NEO1: variants seen among roughly 807,000 people sequenced by gnomAD.
The protein encoded by NEO1 is neogenin 1, also known as neogenin.
A neutral mutation model predicts 159.7 loss-of-function variants in NEO1; 63 were observed. The ratio of observed to expected loss-of-function variants is 0.39; its 90% CI spans 0.32 to 0.49. The LOEUF is 0.49. Among genes scored for constraint, NEO1 ranks in the 20% least tolerant of loss-of-function variants. The pLI, the probability that NEO1 is intolerant of heterozygous loss-of-function variation, is 0.85. For synonymous variants in NEO1, 633 were observed against 662.0 expected (o/e 0.96, Z 0.67); for missense variants, 1,615 against 1,831.0 (o/e 0.88, Z 2.15).
chr15:73,095,300 A>C (rs971290630), intron 1 of NEO1, among the ~76,000 whole-genome samples: 1 of 152,130 alleles, frequency 6.6e-6, no homozygotes, highest in African/African-American at 2.4e-5. Flanking sequence ...TTACATTTTG[A>C]AAGTGTTTTT....
intron 7 of NEO1, among the ~76,000 whole-genome samples, chr15:73,207,483 T>C (rs2037305729): frequency 6.6e-6 from 1 of 152,226 alleles, no homozygotes; most frequent in African/African-American, 2.4e-5. Context: ...ATCCTGTGTA[T>C]CATTCAAGGC....
intron 22 of NEO1, among the ~76,000 whole-genome samples, chr15:73,280,192 A>T (rs541959120): frequency 6.6e-6 from 1 of 152,092 alleles, no homozygotes; most frequent in Non-Finnish European, 1.5e-5. Flanking sequence ...AGGCTGAAGC[A>T]GAAGAATCAC....
chr15:73,061,895 A>C (rs2067997808), intron 1 of NEO1, among the ~76,000 whole-genome samples: 1 of 152,164 alleles, frequency 6.6e-6, no homozygotes, highest in Non-Finnish European at 1.5e-5. Context: ...AGCCATATGA[A>C]ATTGTATTTT....
At chr15:73,174,527 G>A (rs1289113303) in intron 5 of NEO1, among the ~76,000 whole-genome samples, 1 of 152,050 alleles carries the variant, frequency 6.6e-6, no homozygotes, top group African/African-American at 2.4e-5. Flanking sequence ...CTTACAGGAG[G>A]GTGATCATTA....
chr15:73,129,722 C>T (rs1213639259), intron 4 of NEO1, among the ~76,000 whole-genome samples: 1 of 152,158 alleles, frequency 6.6e-6, no homozygotes, highest in Non-Finnish European at 1.5e-5. Flanking sequence ...AATGATAGAT[C>T]TGAACCCCAC....
Position 73,122,613 on chromosome 15 carries a change from G to A in NEO1, c.537G>A (p.Leu179=). ...TGAATTGTGAAGTTAATGCAGATTT[G>A]GTCCCATTTGTGAGGTGGGAACAGA... is the stretch of plus-strand genomic sequence containing the variant. The part of the protein sequence containing the change: ...AILNCEVNAD[L]VPFVRWEQNR... The change falls in exon 3 of 29, where the codon TTG becomes TTA. Residue 179 remains leucine, a synonymous_variant. Transcript: ENST00000261908. The A allele has an allele frequency of 6.2e-7, 1 of 1,614,098 alleles. No homozygotes were observed. Among genetic ancestry groups the A allele is most frequent in the Middle Eastern group, 1.7e-4 (1 of 6,060 alleles).
chr15:73,095,021 C>T (rs2151469222), intron 1 of NEO1, among the ~76,000 whole-genome samples: 1 of 152,142 alleles, frequency 6.6e-6, no homozygotes, highest in East Asian at 1.9e-4. Context: ...CCATCCTGGC[C>T]AACATGGTGA....
intron 5 of NEO1, among the ~76,000 whole-genome samples, chr15:73,174,235 T>C (rs925360812): frequency 1.3e-5 from 2 of 152,152 alleles, no homozygotes; most frequent in African/African-American, 4.8e-5. Flanking sequence ...AATCCAAAAA[T>C]CAGGAAGACT....
chr15:73,079,564 GTC>G (rs145054169), intron 1 of NEO1, among the ~76,000 whole-genome samples: 118 of 152,124 alleles, frequency 7.8e-4, no homozygotes, highest in African/African-American at 2.8e-3. Flanking sequence ...TTAAATAAAT[GTC>G]TCTCTTTATT....
intron 1 of NEO1, among the ~76,000 whole-genome samples, chr15:73,053,028 G>A (rs1444029418): frequency 6.6e-6 from 1 of 151,932 alleles, no homozygotes; most frequent in South Asian, 2.1e-4. Flanking sequence ...GGTCGGGGGC[G>A]CAGGGGTCTA....
At chr15:73,253,606 C>T (rs1005031443) in intron 12 of NEO1, among the ~76,000 whole-genome samples, 157 bp downstream of exon 12, 5 of 151,734 alleles carry the variant, frequency 3.3e-5, no homozygotes, top group African/African-American at 9.7e-5. Flanking sequence ...TAAATTAGAA[C>T]GTAAGTGAAA....
At position 73,137,257 on chromosome 15, in the gene NEO1, A is replaced by G. The variant is rs181615020; in HGVS notation, c.1015+1230A>G. 7.2e-5 allele frequency among the ~76,000 whole-genome samples: 11 copies of G among 152,306 alleles called. No individual in the cohort carries two copies. The East Asian group carries it at 2.1e-3, about 29-fold the overall frequency. On this transcript the variant is annotated intron_variant, in intron 5 of 28. Transcript: ENST00000261908. ...CATAGATAATTACTGGAAAAGACTG[A>G]CCAAGAATTAAAAATAACCATAAAT...
Position 73,052,559 on chromosome 15 carries a change from A to G in NEO1, c.-117A>G. 5 of 515,836 alleles carry G rather than the reference A, an allele frequency of 9.7e-6. No homozygotes were observed. Among genetic ancestry groups the G allele is most frequent in the Non-Finnish European group, 1.4e-5 (5 of 366,792 alleles). The allele number at this position is 515,836 out of a possible 1,614,324, so 32.0% of individuals were successfully genotyped here. On this transcript the variant is annotated 5_prime_UTR_variant, in exon 1 of 29. Transcript: ENST00000261908. Reference sequence around the variant, plus strand: ...GGGCCGGGCCGGGCTGGGCTGGAGCAGCGGCGGCCGCGGGAGCCGAGCTTG... The same window carrying G: ...GGGCCGGGCCGGGCTGGGCTGGAGCGGCGGCGGCCGCGGGAGCCGAGCTTG...
At chr15:73,082,409 C>T (rs1223756375) in intron 1 of NEO1, among the ~76,000 whole-genome samples, 2 of 152,132 alleles carry the variant, frequency 1.3e-5, no homozygotes, top group Admixed American at 1.3e-4. Context: ...AAATTCTGCA[C>T]ACATTGAGAA....
rs947719469 is a variant in NEO1, at chr15:73,304,331, C to G, written c.*1635C>G. ...CACGACTGACGCTCAGGCATCTTCC[C>G]CTACTCCCCAACAGATCCCCAGAAG... On this transcript the variant is annotated 3_prime_UTR_variant, in exon 29 of 29. Transcript: ENST00000261908. 6.6e-6 allele frequency: 1 copy of G among 152,298 alleles called. No individual in the cohort carries two copies. The highest frequency in any genetic ancestry group is 1.5e-5 in the Non-Finnish European group (1 of 68,190). The allele number at this position is 152,298 out of a possible 1,614,324, so 9.4% of individuals were successfully genotyped here. A position where few individuals can be genotyped will look rare whatever the true frequency, so the allele number is the denominator to read the frequency against.
At position 73,283,248 on chromosome 15, in the gene NEO1, A is replaced by G. The variant is rs1429050991; in HGVS notation, c.3410+137A>G. The G allele has an allele frequency of 2.8e-6, 3 of 1,078,476 alleles. No homozygotes were observed. The African/African-American group carries it at 4.8e-5, about 17-fold the overall frequency. 66.8% of individuals were successfully genotyped at this position (1,078,476 alleles called of 1,614,324 possible). A position where few individuals can be genotyped will look rare whatever the true frequency, so the allele number is the denominator to read the frequency against. On this transcript the variant is annotated intron_variant, in intron 23 of 28. Coordinates refer to ENST00000261908, the MANE Select transcript of NEO1 (RefSeq NM_002499.4). Reference sequence around the variant, plus strand: ...GGAATTTAAGATATTTTAAAAGAAAATGGGAAGTGGTTCCTCTTATCAGTC... The same window carrying G: ...GGAATTTAAGATATTTTAAAAGAAAGTGGGAAGTGGTTCCTCTTATCAGTC...
At chr15:73,141,419 C>G (rs574123665) in intron 5 of NEO1, among the ~76,000 whole-genome samples, 7 of 152,194 alleles carry the variant, frequency 4.6e-5, no homozygotes, top group Non-Finnish European at 8.8e-5. Context: ...TCATGTATTT[C>G]CTGTCATCTC....
At chr15:73,095,477 A>G (rs1382549634) in intron 1 of NEO1, among the ~76,000 whole-genome samples, 6 of 152,118 alleles carry the variant, frequency 3.9e-5, no homozygotes, top group Non-Finnish European at 8.8e-5. Flanking sequence ...GAGTTGCAAA[A>G]TAGTGATAAT....
At chr15:73,227,939 G>A (rs1353209833) in intron 7 of NEO1, among the ~76,000 whole-genome samples, 1 of 152,148 alleles carries the variant, frequency 6.6e-6, no homozygotes, top group East Asian at 1.9e-4. Flanking sequence ...AGGCTGTTTG[G>A]TACAGTTACA....
Sources: allele counts gnomAD v4.1 joint callset (sites outside exome capture counted in the v4.1 genomes callset), GRCh38; gene constraint gnomAD v4.1.1; transcripts MANE v1.5; gene names NCBI Gene and HGNC (gene_info 2026-07-23, HGNC 2026-07-21).